PRKDC: variants seen among roughly 807,000 people sequenced by gnomAD.
The protein encoded by PRKDC is protein kinase, DNA-activated, catalytic subunit.
In PRKDC, 82 loss-of-function variants were observed where a neutral mutation model predicts 486.9. The observed-to-expected ratio is 0.17, with a 90% CI of 0.14 to 0.20. PRKDC has a LOEUF of 0.20. Among genes scored for constraint, PRKDC ranks in the 10% least tolerant of loss-of-function variants. PRKDC has a pLI of 1.00. For synonymous variants in PRKDC, 1,895 were observed against 1,837.0 expected (o/e 1.03, Z -0.81); for missense variants, 4,504 against 5,038.2 (o/e 0.89, Z 3.21).
chr8:47,846,900 T>A (rs931358699), intron 54 of PRKDC, among the ~76,000 whole-genome samples: 1 of 152,080 alleles, frequency 6.6e-6, no homozygotes, highest in Non-Finnish European at 1.5e-5. Context: ...GTAAGCCTAT[T>A]TACAATAGCA....
intron 54 of PRKDC, among the ~76,000 whole-genome samples, chr8:47,845,705 A>C (rs1257634747): frequency 6.6e-6 from 1 of 151,658 alleles, no homozygotes; most frequent in Non-Finnish European, 1.5e-5. Flanking sequence ...AAAAAAGCAG[A>C]AAACAAAAAA....
chr8:47,886,640 C>T (rs1183648197), intron 35 of PRKDC, among the ~76,000 whole-genome samples: 1 of 151,942 alleles, frequency 6.6e-6, no homozygotes, highest in African/African-American at 2.4e-5. Context: ...AATTCACCCG[C>T]CTTGGCCTCT....
intron 7 of PRKDC, among the ~76,000 whole-genome samples, chr8:47,950,928 T>C (rs1212980785): frequency 5.3e-5 from 8 of 152,262 alleles, no homozygotes; most frequent in East Asian, 3.9e-4. Flanking sequence ...TGAGCCATGA[T>C]TGCATCTGTG....
At position 47,897,311 on chromosome 8, in the gene PRKDC, T is replaced by C. The variant is rs758547275; in HGVS notation, c.3465-17A>G. On this transcript the variant is annotated splice_polypyrimidine_tract_variant and intron_variant, in intron 29 of 85. Transcript: ENST00000314191. ...GGAAATCCTCTGCACAGAGACAGCA[T>C]ACTGTCATTAGTCCCTCTCCAACAT... 3 of 1,551,598 alleles carry C rather than the reference T, an allele frequency of 1.9e-6. No individual in the cohort carries two copies. The South Asian group carries it at 3.6e-5, about 19-fold the overall frequency.
At chr8:47,877,668 T>G in intron 40 of PRKDC, 56 bp downstream of exon 40, 1 of 1,413,512 alleles carries the variant, frequency 7.1e-7, no homozygotes, top group Non-Finnish European at 9.3e-7. Flanking sequence ...AGAGGATAAT[T>G]TCCCACAAAA....
intron 74 of PRKDC, among the ~76,000 whole-genome samples, chr8:47,791,325 A>G (rs1401156413): frequency 6.6e-6 from 1 of 152,092 alleles, no homozygotes; most frequent in Admixed American, 6.6e-5. Context: ...AAATACAAAA[A>G]TTAGCGGGGC....
intron 4 of PRKDC, among the ~76,000 whole-genome samples, chr8:47,955,161 G>GA (rs2090680871): frequency 7.0e-6 from 1 of 142,694 alleles, no homozygotes; most frequent in African/African-American, 2.6e-5. Flanking sequence ...CTCAAAAAAA[G>GA]AAAGAAAAGA....
chr8:47,790,232 CA>C (rs948042160), intron 74 of PRKDC, among the ~76,000 whole-genome samples: 23 of 152,244 alleles, frequency 1.5e-4, no homozygotes, highest in Admixed American at 1.0e-3. Flanking sequence ...AATCAACATA[CA>C]AAAATCAGTA....
intron 38 of PRKDC, among the ~76,000 whole-genome samples, chr8:47,880,458 T>A (rs994307525): frequency 1.3e-5 from 2 of 152,180 alleles, no homozygotes; most frequent in African/African-American, 4.8e-5. Flanking sequence ...GGAAACTTGA[T>A]TAATCACACA....
intron 60 of PRKDC, among the ~76,000 whole-genome samples, chr8:47,831,523 G>C (rs1197897922): frequency 1.3e-5 from 2 of 151,966 alleles, no homozygotes; most frequent in Non-Finnish European, 2.9e-5. Flanking sequence ...GAGGGCCAGT[G>C]AAGTCCTGCC....
At chr8:47,806,060 C>T (rs2154498440) in intron 69 of PRKDC, among the ~76,000 whole-genome samples, 2 of 152,306 alleles carry the variant, frequency 1.3e-5, no homozygotes, top group South Asian at 2.1e-4. Context: ...TGTCCAAATC[C>T]TTCCATGCCC....
chr8:47,859,336 G>A (rs1228901374), intron 46 of PRKDC, among the ~76,000 whole-genome samples: 3 of 152,040 alleles, frequency 2.0e-5, no homozygotes, highest in Admixed American at 6.6e-5. Context: ...CCCCTGAACC[G>A]TCTGTATGGT....
At chr8:47,787,663 G>A (rs1293860973) in intron 76 of PRKDC, among the ~76,000 whole-genome samples, 2 of 152,180 alleles carry the variant, frequency 1.3e-5, no homozygotes, top group East Asian at 1.9e-4. Flanking sequence ...TGCTGCAGGG[G>A]TAAGAACTGT....
chr8:47,783,596 A>T, intron 78 of PRKDC, 146 bp downstream of exon 78: 1 of 823,546 alleles, frequency 1.2e-6, no homozygotes, highest in Non-Finnish European at 1.9e-6. Flanking sequence ...TCTCAAAAAA[A>T]AAAAGAGGAA....
intron 63 of PRKDC, 85 bp downstream of exon 63, chr8:47,826,571 T>C (rs2154499216): frequency 7.5e-7 from 1 of 1,341,898 alleles, no homozygotes; most frequent in African/African-American, 1.5e-5. Context: ...TATTAGCTCA[T>C]TTTCTGCCAA....
At chr8:47,944,999 T>C (rs532112117) in intron 7 of PRKDC, among the ~76,000 whole-genome samples, 39 of 152,354 alleles carry the variant, frequency 2.6e-4, no homozygotes, top group African/African-American at 7.9e-4. Flanking sequence ...TTTCCAGATA[T>C]GGTAGCATTT....
In PRKDC at chr8:47,849,476, C is replaced by T. The variant is rs1217262422; in HGVS notation, c.7033G>A (p.Val2345Ile). 4 of 1,613,836 alleles carry T rather than the reference C, an allele frequency of 2.5e-6. No individual in the cohort carries two copies. The highest frequency in any genetic ancestry group is 3.4e-6 in the Non-Finnish European group (4 of 1,179,890). Reference sequence around the variant, plus strand: ...TGATGTTGCTTCAATTGTTTCGCAACCAGTTCACACAGAGACTCCTCCAGT... The same window carrying T: ...TGATGTTGCTTCAATTGTTTCGCAATCAGTTCACACAGAGACTCCTCCAGT... ...NILEESLCEL[V>I]AKQLKQHQNT... Residue 2345 changes from valine (V) to isoleucine (I), a missense_variant, in exon 53 of 86, where the codon GTT becomes ATT. Around this residue, in one of 6 missense-constraint regions of PRKDC, gnomAD observed 1,592 missense variants for 1,724.6 expected, o/e 0.92. Transcript: ENST00000314191.
rs976690996 is a variant in PRKDC, at chr8:47,890,314, C to T, written c.4014G>A (p.Val1338=). 7.4e-6 allele frequency: 12 copies of T among 1,613,030 alleles called. No homozygotes were observed. Among genetic ancestry groups the T allele is most frequent in the Middle Eastern group, 1.8e-4 (1 of 5,628 alleles). Reference sequence around the variant, plus strand: ...TCGTGGTAAACTCCATAATCCGGACCACAACGGTGCATTTGCTGTAGTTGT... The same window carrying T: ...TCGTGGTAAACTCCATAATCCGGACTACAACGGTGCATTTGCTGTAGTTGT... The part of the protein sequence containing the change: ...ERYNYSKCTV[V]VRIMEFTTTL... The change falls in exon 32 of 86, where the codon GTG becomes GTA. Residue 1338 remains valine (V), a synonymous_variant. Coordinates refer to ENST00000314191, the MANE Select transcript of PRKDC (RefSeq NM_006904.7).
chr8:47,956,290 A>T (rs2154504689), intron 3 of PRKDC, among the ~76,000 whole-genome samples: 1 of 152,298 alleles, frequency 6.6e-6, no homozygotes, highest in South Asian at 2.1e-4. Context: ...TGAACCCGGG[A>T]GACGGAGGTT....
Sources: gnomAD v4.1 joint callset for allele counts (sites outside exome capture counted in the v4.1 genomes callset) on GRCh38, gnomAD v4.1.1 for gene constraint, gnomAD v4.1.1 regional missense constraint, MANE v1.5 for transcripts, NCBI Gene and HGNC (gene_info 2026-07-23, HGNC 2026-07-21) for gene names.